Variants in SNED1 observed in about 807,000 individuals in gnomAD.
SNED1 encodes sushi, nidogen and EGF like domains 1.
SNED1 carries 81 observed loss-of-function variants against 166.7 expected under a neutral mutation model. The ratio of observed to expected loss-of-function variants is 0.49; its 90% CI spans 0.41 to 0.58. The LOEUF is 0.58. SNED1 is among the 20% of genes least tolerant of loss of function. The pLI, the probability that SNED1 is intolerant of heterozygous loss-of-function variation, is 0.00. For synonymous variants in SNED1, 762 were observed against 822.0 expected (o/e 0.93, Z 1.25); for missense variants, 1,604 against 2,000.2 (o/e 0.80, Z 3.78).
At chr2:241,016,131 G>GCAAATTAAATTAATTGT (rs1559222605) in intron 1 of SNED1, 4 of 115,444 alleles carry the variant, frequency 3.5e-5, no homozygotes, top group South Asian at 3.4e-4. Flanking sequence ...AAATTAATTG[G>GCAAATTAAATTAATTGT]TTTTCTGATG....
rs1243434969 is a variant in SNED1 at position 241,069,223 on chromosome 2, C to T, written c.3307+200C>T. The stretch of plus-strand genomic sequence containing the variant: ...GGGCCCTTGTGCTGGGACAGCTGTC[C>T]AGGGCAGTCTCCATCTCTAAAGGCT... On this transcript the variant is annotated intron_variant, in intron 23 of 31. Coordinates refer to ENST00000310397, the MANE Select transcript of SNED1 (RefSeq NM_001080437.3). This position sits in a 1 kb window ranked among gnomAD's most constrained non-coding sequence, Gnocchi z 4.9. Among the ~76,000 whole-genome samples, 1 of 152,196 alleles carries T rather than the reference C, an allele frequency of 6.6e-6. No individual in the cohort carries two copies. The highest frequency in any genetic ancestry group is 1.5e-5 in the Non-Finnish European group (1 of 68,034).
intron 5 of SNED1, 138 bp downstream of exon 5, chr2:241,037,053 T>C: frequency 8.3e-7 from 1 of 1,211,674 alleles, no homozygotes; most frequent in Non-Finnish European, 1.2e-6. Context: ...GTGACTTGCT[T>C]AGGGGACCAC....
At chr2:241,001,435 C>T (rs2060074800) in intron 1 of SNED1, among the ~76,000 whole-genome samples, 1 of 152,210 alleles carries the variant, frequency 6.6e-6, no homozygotes, top group African/African-American at 2.4e-5. Flanking sequence ...TTGCTTCTTT[C>T]TCATGTCATA....
chr2:241,089,437 A>G (rs758219769), intron 31 of SNED1: 10 of 1,548,478 alleles, frequency 6.5e-6, no homozygotes, highest in South Asian at 1.2e-5. Context: ...CTTTTCAGAT[A>G]TAGGCTCACA....
rs755703215 is a variant in SNED1, at chr2:241,070,229, CG to C, written c.3589+32del. 1.5e-5 allele frequency: 23 copies of C among 1,576,974 alleles called. 1 individual carries two copies. The highest frequency in any genetic ancestry group is 1.7e-6 in the Non-Finnish European group (2 of 1,165,754). On this transcript the variant is annotated intron_variant, in intron 24 of 31. Transcript: ENST00000310397. Reference sequence around the variant, plus strand: ...GAGTGCCGTGGGCCCTGCGCGTGGGCGGGGCCAGTGTTTGCCAGCCCTCCAC... The same window carrying C: ...GAGTGCCGTGGGCCCTGCGCGTGGGCGGGCCAGTGTTTGCCAGCCCTCCAC...
chr2:241,032,652 A>T (rs188844253), intron 2 of SNED1, among the ~76,000 whole-genome samples: 47 of 150,742 alleles, frequency 3.1e-4, no homozygotes, highest in African/African-American at 6.0e-4. Flanking sequence ...AAAAAATAAT[A>T]AAAAAAGTGC....
At position 241,074,671 on chromosome 2, in the gene SNED1, G is replaced by A. The variant is rs2062937476; in HGVS notation, c.3916+1307G>A. The A allele has an allele frequency of 4.6e-5, 7 of 152,180 alleles. No individual in the cohort carries two copies. In the South Asian group the frequency reaches 1.4e-3, roughly 32 times the overall value. 9.4% of individuals were successfully genotyped at this position (152,180 alleles called of 1,614,324 possible). ...CCTGGTGGGTGCAAAATGATTTTAA[G>A]TGATAACATGAAAAGTAGACTCTTT... On this transcript the variant is annotated intron_variant, in intron 27 of 31. Coordinates refer to ENST00000310397, the MANE Select transcript of SNED1 (RefSeq NM_001080437.3).
Position 241,071,827 on chromosome 2 carries a change from G to A in SNED1, c.3766G>A (p.Val1256Met). 2 of 1,604,572 alleles carry A rather than the reference G, an allele frequency of 1.2e-6. No individual in the cohort carries two copies. The highest frequency in any genetic ancestry group is 2.2e-5 in the East Asian group (1 of 44,648). ...FSELVDGRGR[V>M]SARFGGSPSK... ...GGAGCTTGTGGACGGCAGAGGAAGAGTGAGCGCCAGGTTCGGTGGCTCACC... is the reference window on the plus strand; with the variant it reads ...GGAGCTTGTGGACGGCAGAGGAAGAATGAGCGCCAGGTTCGGTGGCTCACC... Residue 1256 changes from valine (V) to methionine (M), a missense_variant, in exon 26 of 32, where the codon GTG becomes ATG. By Grantham distance (21) the Val-to-Met change is conservative (BLOSUM62 1). Coordinates refer to ENST00000310397, the MANE Select transcript of SNED1 (RefSeq NM_001080437.3).
At chr2:241,080,667 G>A (rs1323053573) in intron 27 of SNED1, among the ~76,000 whole-genome samples, 1 of 152,260 alleles carries the variant, frequency 6.6e-6, no homozygotes, top group Non-Finnish European at 1.5e-5. Context: ...TGAGCATCAG[G>A]AAAACAACTG....
At chr2:241,090,592 C>A in intron 31 of SNED1, 1 of 974,812 alleles carries the variant, frequency 1.0e-6, no homozygotes, top group Non-Finnish European at 1.4e-6. Flanking sequence ...ACCAGCATCA[C>A]CACAAACACA....
intron 1 of SNED1, among the ~76,000 whole-genome samples, chr2:241,027,988 C>T (rs1045965586): frequency 2.6e-5 from 4 of 152,114 alleles, no homozygotes; most frequent in Non-Finnish European, 5.9e-5. Context: ...CCACCTCGGC[C>T]TCCCAGAGTG....
In SNED1 at chr2:241,062,192, C is replaced by A. The variant is rs1408892790; in HGVS notation, c.2258-599C>A. ...TTTTTAAAGACAAGGAAATTATAAA[C>A]CCAGAGATTCTTATCGCAAGGGAAG... is the stretch of plus-strand genomic sequence containing the variant. On this transcript the variant is annotated intron_variant, in intron 16 of 31. Coordinates refer to ENST00000310397, the MANE Select transcript of SNED1 (RefSeq NM_001080437.3). Among the ~76,000 whole-genome samples the A allele has an allele frequency of 2.0e-5, 3 of 152,110 alleles. No individual in the cohort carries two copies. The East Asian group carries it at 5.8e-4, about 29-fold the overall frequency.
intron 27 of SNED1, among the ~76,000 whole-genome samples, chr2:241,078,538 CAG>C (rs2063158209): frequency 6.6e-6 from 1 of 151,784 alleles, no homozygotes; most frequent in African/African-American, 2.4e-5. Flanking sequence ...AAGCCAGACA[CAG>C]AAGACTCTAT....
At chr2:241,088,505 C>A in intron 31 of SNED1, 103 bp downstream of exon 31, 1 of 962,036 alleles carries the variant, frequency 1.0e-6, no homozygotes, top group Non-Finnish European at 1.7e-6. Context: ...GCTTACTCAG[C>A]ACTGCTAAAG....
chr2:241,006,909 G>T (rs1426537907), intron 1 of SNED1, among the ~76,000 whole-genome samples: 4 of 152,240 alleles, frequency 2.6e-5, no homozygotes, highest in African/African-American at 7.2e-5. Context: ...ACTAGGAGAA[G>T]GATGGAGATG....
intron 6 of SNED1, 32 bp downstream of exon 6, chr2:241,037,385 C>T: frequency 2.8e-6 from 4 of 1,438,036 alleles, no homozygotes; most frequent in Non-Finnish European, 2.9e-6. Context: ...CCACGGGGCC[C>T]TGCTGGGGGC....
intron 15 of SNED1, 128 bp downstream of exon 15, chr2:241,052,596 A>G (rs1342218275): frequency 1.5e-6 from 1 of 674,726 alleles, no homozygotes; most frequent in African/African-American, 1.8e-5. Context: ...GGGGCCAAGC[A>G]GGATATATGG....
At position 241,094,127 on chromosome 2, in the gene SNED1, G is replaced by T. The variant is rs943480148; in HGVS notation, c.*2491G>T. 1 of 360,562 alleles carries T rather than the reference G, an allele frequency of 2.8e-6. No individual in the cohort carries two copies. The highest frequency in any genetic ancestry group is 5.7e-6 in the Non-Finnish European group (1 of 176,482). 22.3% of individuals were successfully genotyped at this position (360,562 alleles called of 1,614,324 possible). On this transcript the variant is annotated 3_prime_UTR_variant, in exon 32 of 32. Transcript: ENST00000310397. This position sits in a 1 kb window ranked among gnomAD's most constrained non-coding sequence, Gnocchi z 4.3. Reference sequence around the variant, plus strand: ...AAATGTCTCATTTCCAAACAGTTTTGCCTATGGCCAAGCAAGGCAATAAAG... The same window carrying T: ...AAATGTCTCATTTCCAAACAGTTTTTCCTATGGCCAAGCAAGGCAATAAAG...
At chr2:241,042,773 C>T (rs2061552743) in intron 8 of SNED1, among the ~76,000 whole-genome samples, 2 of 152,114 alleles carry the variant, frequency 1.3e-5, no homozygotes, top group South Asian at 4.1e-4. Flanking sequence ...AAGGAAAGAT[C>T]AATGAACCTG....
Sources: gnomAD v4.1 joint callset for allele counts (sites outside exome capture counted in the v4.1 genomes callset) on GRCh38, gnomAD v4.1.1 for gene constraint, Gnocchi (gnomAD v3.1) non-coding constraint, MANE v1.5 for transcripts, NCBI Gene and HGNC (gene_info 2026-07-23, HGNC 2026-07-21) for gene names.